ANKS1B: variants seen among roughly 807,000 people sequenced by gnomAD.
ANKS1B encodes the protein ankyrin repeat and sterile alpha motif domain containing 1B.
In ANKS1B, 36 loss-of-function variants were observed where a neutral mutation model predicts 148.3. The ratio of observed to expected loss-of-function variants is 0.24; its 90% CI spans 0.19 to 0.32. ANKS1B has a LOEUF of 0.32. Among genes scored for constraint, ANKS1B ranks in the 10% least tolerant of loss-of-function variants. The pLI, the probability that ANKS1B is intolerant of heterozygous loss-of-function variation, is 1.00. For synonymous variants in ANKS1B, 542 were observed against 560.8 expected, an observed-to-expected ratio of 0.97 and a Z score of 0.47; for missense variants, 1,157 against 1,542.6, an observed-to-expected ratio of 0.75 and a Z score of 4.19.
At chr12:98,980,269 C>T (rs1347451265) in intron 17 of ANKS1B, among the ~76,000 whole-genome samples, 1 of 152,172 alleles carries the variant, frequency 6.6e-6, no homozygotes, top group Non-Finnish European at 1.5e-5. Context: ...GGCGCAATCT[C>T]GGCTCACTGC....
intron 9 of ANKS1B, among the ~76,000 whole-genome samples, chr12:99,537,342 TC>T (rs2097080803): frequency 6.6e-6 from 1 of 152,128 alleles, no homozygotes; most frequent in Non-Finnish European, 1.5e-5. Context: ...CTCCATATTA[TC>T]CTCCATAATG....
At chr12:99,496,931 T>C (rs559042024) in intron 10 of ANKS1B, among the ~76,000 whole-genome samples, 3 of 152,180 alleles carry the variant, frequency 2.0e-5, no homozygotes, top group Non-Finnish European at 4.4e-5. Context: ...TGCTGTACTG[T>C]GGCCCAAGCA....
chr12:99,508,469 G>C, intron 9 of ANKS1B, among the ~76,000 whole-genome samples: 1 of 151,574 alleles, frequency 6.6e-6, no homozygotes. Context: ...AAAGTGGCAG[G>C]AGGGTTCAAA....
intron 8 of ANKS1B, among the ~76,000 whole-genome samples, chr12:99,735,160 G>A (rs1225049269): frequency 2.0e-5 from 3 of 152,024 alleles, no homozygotes; most frequent in Admixed American, 2.0e-4. Flanking sequence ...CCTACATCAA[G>A]AAACGTAGAA....
At chr12:99,224,239 A>G (rs191459837) in intron 14 of ANKS1B, among the ~76,000 whole-genome samples, 1 of 152,326 alleles carries the variant, frequency 6.6e-6, no homozygotes. Context: ...AAAAGTAAAG[A>G]GCTTTCTGGA....
At chr12:99,089,044 C>T (rs559499682) in intron 15 of ANKS1B, among the ~76,000 whole-genome samples, 15 of 151,822 alleles carry the variant, frequency 9.9e-5, no homozygotes, top group African/African-American at 3.4e-4. Context: ...AGGGTGGTCT[C>T]GAACTCCTGA....
At chr12:99,440,689 G>A (rs566307568) in intron 11 of ANKS1B, among the ~76,000 whole-genome samples, 2 of 151,730 alleles carry the variant, frequency 1.3e-5, no homozygotes, top group Non-Finnish European at 1.5e-5. Flanking sequence ...CTGGGAAGCC[G>A]GCAGCTTCCA....
intron 17 of ANKS1B, among the ~76,000 whole-genome samples, chr12:98,842,031 C>T (rs2099409473): frequency 6.6e-6 from 1 of 152,102 alleles, no homozygotes; most frequent in Admixed American, 6.6e-5. Context: ...AATTTTGACC[C>T]AGTTTTCTAA....
chr12:99,074,265 T>C (rs979562371), intron 16 of ANKS1B, among the ~76,000 whole-genome samples: 8 of 151,838 alleles, frequency 5.3e-5, no homozygotes, highest in African/African-American at 1.9e-4. Flanking sequence ...CAGAAGGAGA[T>C]TAGGAGTAAA....
chr12:99,480,145 T>A (rs961128046), intron 10 of ANKS1B, among the ~76,000 whole-genome samples: 77 of 151,906 alleles, frequency 5.1e-4, no homozygotes, highest in African/African-American at 1.8e-3. Context: ...TATTCAAAAA[T>A]TTTTTCATAT....
chr12:99,078,954 T>C (rs968858673), intron 16 of ANKS1B, among the ~76,000 whole-genome samples: 2 of 152,214 alleles, frequency 1.3e-5, no homozygotes, highest in Admixed American at 6.5e-5. Context: ...GCTTGTTCTG[T>C]TGAAGCTAGC....
At chr12:99,971,593 T>G (rs1330877836) in intron 1 of ANKS1B, among the ~76,000 whole-genome samples, 2 of 143,556 alleles carry the variant, frequency 1.4e-5, no homozygotes, top group Non-Finnish European at 3.0e-5. Flanking sequence ...AAGTGACTAA[T>G]AGTAATTCAG....
chr12:98,962,132 T>G (rs1484531360), intron 17 of ANKS1B, among the ~76,000 whole-genome samples: 1 of 147,068 alleles, frequency 6.8e-6, no homozygotes. Context: ...AGACAGAGAG[T>G]GGCTGAATGG....
intron 10 of ANKS1B, among the ~76,000 whole-genome samples, chr12:99,458,680 G>A (rs2095888638): frequency 6.6e-6 from 1 of 151,672 alleles, no homozygotes; most frequent in Admixed American, 6.6e-5. Context: ...ATAAATTCCT[G>A]GAAATATATA....
intron 1 of ANKS1B, among the ~76,000 whole-genome samples, chr12:99,942,685 C>G (rs2094949920): frequency 6.6e-6 from 1 of 151,974 alleles, no homozygotes; most frequent in Non-Finnish European, 1.5e-5. Flanking sequence ...TGTATTCATT[C>G]AATAAGTATT....
intron 17 of ANKS1B, among the ~76,000 whole-genome samples, chr12:98,870,688 C>G (rs1278308607): frequency 2.0e-5 from 3 of 152,184 alleles, no homozygotes; most frequent in Admixed American, 6.5e-5. Flanking sequence ...AAAGCTTGTA[C>G]AACAAATGCA....
At chr12:99,191,549 A>G (rs999670520) in intron 14 of ANKS1B, among the ~76,000 whole-genome samples, 1 of 152,200 alleles carries the variant, frequency 6.6e-6, no homozygotes, top group Non-Finnish European at 1.5e-5. Flanking sequence ...TTGCAGGGAC[A>G]TGGATGAAGC....
At chr12:99,798,438 A>C (rs572074128) in intron 4 of ANKS1B, among the ~76,000 whole-genome samples, 16 of 151,500 alleles carry the variant, frequency 1.1e-4, no homozygotes, top group East Asian at 9.7e-4. Flanking sequence ...AAAAAAAAAA[A>C]AAAAACAAAA....
At chr12:99,199,133 A>AT (rs2081749269) in intron 14 of ANKS1B, among the ~76,000 whole-genome samples, 1 of 152,132 alleles carries the variant, frequency 6.6e-6, no homozygotes, top group Admixed American at 6.6e-5. Context: ...TCCCTGGCCA[A>AT]TTTTTTGACT....
Sources: allele counts gnomAD v4.1 joint callset (sites outside exome capture counted in the v4.1 genomes callset), GRCh38; gene constraint gnomAD v4.1.1; transcripts MANE v1.5; gene names NCBI Gene and HGNC (gene_info 2026-07-23, HGNC 2026-07-21).